ZNF518B: variants seen among roughly 807,000 people sequenced by gnomAD.
The protein encoded by ZNF518B is zinc finger protein 518B.
ZNF518B carries 23 observed loss-of-function variants against 56.3 expected under a neutral mutation model. The ratio of observed to expected loss-of-function variants is 0.41; its 90% CI spans 0.29 to 0.58. The LOEUF (loss-of-function observed/expected upper bound fraction) is 0.58. Among genes scored for constraint, ZNF518B ranks in the 20% least tolerant of loss-of-function variants. The pLI is 0.32. For missense variants in ZNF518B, 1,460 were observed against 1,272.1 expected (o/e 1.15, Z -2.25); for synonymous variants, 529 against 465.9 (o/e 1.14, Z -1.74).
chr4:10,443,865 C>CT lies in ZNF518B; in HGVS notation c.2463dup (p.Asp822ArgfsTer8). The CT allele has an allele frequency of 6.2e-7, 1 of 1,614,202 alleles. No individual in the cohort carries two copies. The highest frequency in any genetic ancestry group is 1.7e-5 in the Admixed American group (1 of 60,018). ...CTTTCACTTCTTAAAGGCTGTAAGT[C>CT]TGAGTCCGCCTGTCTCACAGGGCAA... On this transcript the variant is annotated frameshift_variant, in exon 3 of 3. Coordinates refer to ENST00000326756, the MANE Select transcript of ZNF518B (RefSeq NM_053042.3). LOFTEE classifies it high-confidence loss of function.
chr4:10,443,289 T>G lies in ZNF518B; in HGVS notation c.3040A>C (p.Lys1014Gln). ...TGGTAGTTGTTTTTATGAACTTTTT[T>G]GAGTTTCATTTTCAACATCATTTGC... The part of the protein sequence containing the change: ...KRQMMLKMKL[K>Q]KVHKNNYQVV... Residue 1014 changes from lysine to glutamine, a missense_variant, in exon 3 of 3, where the codon AAA becomes CAA. Physicochemically the swap from Lys to Gln is moderately conservative, Grantham distance 53 (BLOSUM62 1). Coordinates refer to ENST00000326756, the MANE Select transcript of ZNF518B (RefSeq NM_053042.3). 3.1e-6 allele frequency: 5 copies of G among 1,614,210 alleles called. No individual in the cohort carries two copies. Among genetic ancestry groups the G allele is most frequent in the Non-Finnish European group, 4.2e-6 (5 of 1,180,032 alleles).
chr4:10,445,282 A>G lies in ZNF518B; in HGVS notation c.1047T>C (p.Asp349=), dbSNP rs10016022. Reference sequence around the variant, plus strand: ...GCTGTGTACCATTGACAACCTTCACATCTATCAACTGGGCTAAACAGTTTG... The same window carrying G: ...GCTGTGTACCATTGACAACCTTCACGTCTATCAACTGGGCTAAACAGTTTG... ...VPANCLAQLI[D]VKVVNGTQQL... is the part of the protein sequence containing the mutation. The change falls in exon 3 of 3, where the codon GAT becomes GAC. Residue 349 remains aspartate, a synonymous_variant. Transcript: ENST00000326756. The G allele has an allele frequency of 0.74, 1,200,304 of 1,614,078 alleles. 447,782 individuals carry two copies. Among genetic ancestry groups the G allele is most frequent in the African/African-American group, 0.87 (65,554 of 75,024 alleles).
In ZNF518B at chr4:10,440,249, T is replaced by G. The variant is rs1714612805; in HGVS notation, c.*2855A>C. 6.6e-6 allele frequency: 1 copy of G among 152,196 alleles called. No homozygotes were observed. Among genetic ancestry groups the G allele is most frequent in the South Asian group, 2.1e-4 (1 of 4,818 alleles). 9.4% of individuals were successfully genotyped at this position (152,196 alleles called of 1,614,324 possible). A position where few individuals can be genotyped will look rare whatever the true frequency, so the allele number is the denominator to read the frequency against. ...ATGTTCTCGACTGGGGATACAAAATTGAATATAATATAGTCTATCAGAGTA... is the reference window on the plus strand; with the variant it reads ...ATGTTCTCGACTGGGGATACAAAATGGAATATAATATAGTCTATCAGAGTA... On this transcript the variant is annotated 3_prime_UTR_variant, in exon 3 of 3. Coordinates refer to ENST00000326756, the MANE Select transcript of ZNF518B (RefSeq NM_053042.3).
At position 10,445,490 on chromosome 4, in the gene ZNF518B, T is replaced by C. The variant is rs1350804527; in HGVS notation, c.839A>G (p.Glu280Gly). ...TACATCTTTTTGGTATTCCTTTGGT[T>C]CAGGTAACAACATGATATTGTGCAT... The part of the protein sequence containing the change: ...DKMHNIMLLP[E>G]PKEYQKDVVC... Residue 280 changes from glutamate to glycine, a missense_variant, in exon 3 of 3, where the codon GAA becomes GGA. Physicochemically the swap from Glu to Gly is moderately conservative, Grantham distance 98. Transcript: ENST00000326756. The C allele has an allele frequency of 6.2e-7, 1 of 1,614,210 alleles. No individual in the cohort carries two copies. The highest frequency in any genetic ancestry group is 1.7e-5 in the Admixed American group (1 of 60,024).
At chr4:10,446,909 C>T (rs1464093611) in intron 2 of ZNF518B, among the ~76,000 whole-genome samples, 1 of 152,214 alleles carries the variant, frequency 6.6e-6, no homozygotes, top group African/African-American at 2.4e-5. Context: ...TTATACAGGA[C>T]ACTGTCAGTT....
At chr4:10,454,124 A>G (rs1265462122) in intron 2 of ZNF518B, 1 of 152,224 alleles carries the variant, frequency 6.6e-6, no homozygotes, top group Non-Finnish European at 1.5e-5. Flanking sequence ...CAATAGTAAT[A>G]TCGACATCCT....
chr4:10,444,753 G>T lies in ZNF518B; in HGVS notation c.1576C>A (p.Gln526Lys). ...SGRNLHSSSQQLLPFAASPAT... is the reference protein window; with the variant it reads ...SGRNLHSSSQKLLPFAASPAT... ...GGTGATGCAGCAAATGGGAGTAACT[G>T]CTGTGAGCTACTGTGTAAATTTCTT... The change falls in exon 3 of 3, where the codon CAG (glutamine) becomes AAG (lysine). Residue 526 changes from glutamine to lysine, a missense_variant. Transcript: ENST00000326756. 2.5e-6 allele frequency: 4 copies of T among 1,613,778 alleles called. No homozygotes were observed. Among genetic ancestry groups the T allele is most frequent in the Non-Finnish European group, 3.4e-6 (4 of 1,179,798 alleles).
upstream of ZNF518B, among the ~76,000 whole-genome samples, chr4:10,461,254 G>T (rs931956217): frequency 6.6e-6 from 1 of 152,244 alleles, no homozygotes; most frequent in Non-Finnish European, 1.5e-5. Flanking sequence ...CAGGGACCAC[G>T]TCCCAGCCGC....
rs1366998606 is a variant in ZNF518B at position 10,445,176 on chromosome 4, T to C, written c.1153A>G (p.Met385Val). Residue 385 changes from methionine to valine, a missense_variant, in exon 3 of 3, where the codon ATG becomes GTG. Transcript: ENST00000326756. Reference protein sequence around the residue: ...GRDNGGNSERMVKEKGSNEQE... With the variant: ...GRDNGGNSERVVKEKGSNEQE... ...TCATTTGAACCCTTCTCTTTCACCA[T>C]ACGTTCAGAATTACCTCCATTATCC... 1.9e-6 allele frequency: 3 copies of C among 1,614,254 alleles called. No individual in the cohort carries two copies. In the East Asian group the frequency reaches 6.7e-5, roughly 36 times the overall value.
rs7694496 is a variant in ZNF518B at position 10,443,803 on chromosome 4, A to T, written c.2526T>A (p.Pro842=). Residue 842 remains proline (P), a synonymous_variant, in exon 3 of 3, where the codon CCT becomes CCA. Transcript: ENST00000326756. ...PIDMSPNIET[P]LRPKLRKESA... Reference sequence around the variant, plus strand: ...TCTCTTTTCTCAGTTTAGGCCGCAGAGGTGTCTCGATATTTGGGGACATAT... The same window carrying T: ...TCTCTTTTCTCAGTTTAGGCCGCAGTGGTGTCTCGATATTTGGGGACATAT... 0.027 allele frequency: 43,549 copies of T among 1,614,118 alleles called. 4,060 individuals carry two copies. The African/African-American group carries it at 0.27, about 10-fold the overall frequency.
In ZNF518B at chr4:10,444,997, A is replaced by C. The variant is rs761120965; in HGVS notation, c.1332T>G (p.Asn444Lys). The C allele has an allele frequency of 3.0e-5, 48 of 1,614,064 alleles. No homozygotes were observed. Among genetic ancestry groups the C allele is most frequent in the Non-Finnish European group, 3.6e-5 (42 of 1,180,046 alleles). Residue 444 changes from asparagine to lysine, a missense_variant, in exon 3 of 3, where the codon AAT (asparagine) becomes AAG (lysine). By Grantham distance (94) the Asn-to-Lys change is moderately conservative. Coordinates refer to ENST00000326756, the MANE Select transcript of ZNF518B (RefSeq NM_053042.3). Reference sequence around the variant, plus strand: ...ATTTTCCATTGTTGTGCACACTAGAATTTGGCATAATAAAATCATAAGACC... The same window carrying C: ...ATTTTCCATTGTTGTGCACACTAGACTTTGGCATAATAAAATCATAAGACC... ...WVRSYDFIMP[N>K]SSVHNNGKSF... is the part of the protein sequence containing the mutation.
At position 10,443,114 on chromosome 4, in the gene ZNF518B, T is replaced by G; in HGVS notation, c.3215A>C (p.Lys1072Thr). The G allele has an allele frequency of 6.2e-7, 1 of 1,611,488 alleles. No individual in the cohort carries two copies. Among genetic ancestry groups the G allele is most frequent in the Non-Finnish European group, 8.5e-7 (1 of 1,178,662 alleles). ...ATRDWDVLSS[K>T]GK ...AGAGTAACTGTTTACTTATTTGCCCTTGGAGGAAAGAACATCCCAATCTCT... is the reference window on the plus strand; with the variant it reads ...AGAGTAACTGTTTACTTATTTGCCCGTGGAGGAAAGAACATCCCAATCTCT... Residue 1072 changes from lysine (K) to threonine (T), a missense_variant, in exon 3 of 3, where the codon AAG becomes ACG. Lys to Thr is a moderately conservative substitution (Grantham distance 78, BLOSUM62 -1). Coordinates refer to ENST00000326756, the MANE Select transcript of ZNF518B (RefSeq NM_053042.3).
intron 2 of ZNF518B, among the ~76,000 whole-genome samples, chr4:10,449,622 C>G (rs1303105359): frequency 2.0e-5 from 3 of 152,136 alleles, no homozygotes; most frequent in East Asian, 3.9e-4. Context: ...CAATCTGCAC[C>G]TCTCTCATCC....
chr4:10,445,912 T>A lies in ZNF518B; in HGVS notation c.417A>T (p.Lys139Asn). 1 of 1,614,232 alleles carries A rather than the reference T, an allele frequency of 6.2e-7. No homozygotes were observed. Among genetic ancestry groups the A allele is most frequent in the Non-Finnish European group, 8.5e-7 (1 of 1,180,048 alleles). Residue 139 changes from lysine (K) to asparagine (N), a missense_variant, in exon 3 of 3, where the codon AAA (lysine) becomes AAT (asparagine). Coordinates refer to ENST00000326756, the MANE Select transcript of ZNF518B (RefSeq NM_053042.3). The stretch of plus-strand genomic sequence containing the variant: ...GCGGGTCCTTTGTAGAGAATCGACA[T>A]TTATCACAATAGTATTTGCCTGGCT... ...NFKPGKYYCD[K>N]CRFSTKDPLQ...
chr4:10,446,352 C>CT lies in ZNF518B; in HGVS notation c.-25_-24insA. The CT allele has an allele frequency of 1.9e-6, 3 of 1,550,128 alleles. No individual in the cohort carries two copies. The highest frequency in any genetic ancestry group is 1.5e-5 in the African/African-American group (1 of 64,636). On this transcript the variant is annotated 5_prime_UTR_variant, in exon 3 of 3. Transcript: ENST00000326756. ...ATCTTATCTGCATTTCTAAAAAGAG[C>CT]CAACTAAAATTCAGAAAGTTTTCAC... is the stretch of plus-strand genomic sequence containing the variant.
chr4:10,448,012 C>G (rs1186637616), intron 2 of ZNF518B, among the ~76,000 whole-genome samples: 1 of 152,118 alleles, frequency 6.6e-6, no homozygotes. Flanking sequence ...AAACTAGGAG[C>G]ATAACAAAAT....
chr4:10,443,454 C>A lies in ZNF518B; in HGVS notation c.2875G>T (p.Val959Leu). 1 of 1,614,168 alleles carries A rather than the reference C, an allele frequency of 6.2e-7. No individual in the cohort carries two copies. Among genetic ancestry groups the A allele is most frequent in the Non-Finnish European group, 8.5e-7 (1 of 1,180,034 alleles). Residue 959 changes from valine to leucine, a missense_variant, in exon 3 of 3, where the codon GTG (valine) becomes TTG (leucine). Val to Leu is a conservative substitution (Grantham distance 32, BLOSUM62 1). Transcript: ENST00000326756. Reference sequence around the variant, plus strand: ...TTGTATTTATTTATTACCTTCATCACATTGGTCACTTCTGGCGAGTCCACA... The same window carrying A: ...TTGTATTTATTTATTACCTTCATCAAATTGGTCACTTCTGGCGAGTCCACA... ...PDVDSPEVTN[V>L]MKVINKYKGN...
chr4:10,444,740 A>G lies in ZNF518B; in HGVS notation c.1589T>C (p.Phe530Ser), dbSNP rs1297559097. The change falls in exon 3 of 3, where the codon TTT becomes TCT. Residue 530 changes from phenylalanine (F) to serine (S), a missense_variant. By Grantham distance (155) the Phe-to-Ser change is radical. Coordinates refer to ENST00000326756, the MANE Select transcript of ZNF518B (RefSeq NM_053042.3). ...LHSSSQQLLP[F>S]AASPATCSFS... Reference sequence around the variant, plus strand: ...GGAACAGGTTGCAGGTGATGCAGCAAATGGGAGTAACTGCTGTGAGCTACT... The same window carrying G: ...GGAACAGGTTGCAGGTGATGCAGCAGATGGGAGTAACTGCTGTGAGCTACT... The G allele has an allele frequency of 6.2e-7, 1 of 1,614,088 alleles. No homozygotes were observed. The highest frequency in any genetic ancestry group is 1.7e-5 in the Admixed American group (1 of 60,012).
chr4:10,445,720 A>G lies in ZNF518B; in HGVS notation c.609T>C (p.Asp203=), dbSNP rs1200201550. Reference sequence around the variant, plus strand: ...CTCTCTTCGTGTGTTTGACAATATAATCATTTCTAATAGCACCATAGTCAC... The same window carrying G: ...CTCTCTTCGTGTGTTTGACAATATAGTCATTTCTAATAGCACCATAGTCAC... The part of the protein sequence containing the change: ...EYCDYGAIRN[D]YIVKHTKRVH... The change falls in exon 3 of 3, where the codon GAT becomes GAC. Residue 203 remains aspartate (D), a synonymous_variant. Transcript: ENST00000326756. The G allele has an allele frequency of 6.2e-7, 1 of 1,614,188 alleles. No individual in the cohort carries two copies. The highest frequency in any genetic ancestry group is 8.5e-7 in the Non-Finnish European group (1 of 1,180,038).
Sources: allele counts gnomAD v4.1 joint callset (sites outside exome capture counted in the v4.1 genomes callset), GRCh38; gene constraint gnomAD v4.1.1; transcripts MANE v1.5; gene names NCBI Gene and HGNC (gene_info 2026-07-23, HGNC 2026-07-21).